Variants in RNF213 observed in about 807,000 individuals in gnomAD.
RNF213 encodes the protein E3 ubiquitin-protein ligase RNF213.
A neutral mutation model predicts 514.4 loss-of-function variants in RNF213; 341 were observed. The ratio of observed to expected loss-of-function variants is 0.66; its 90% CI spans 0.61 to 0.73. The LOEUF (loss-of-function observed/expected upper bound fraction) is 0.73. Among genes scored for constraint, RNF213 ranks in the 30% least tolerant of loss-of-function variants. The probability of loss-of-function intolerance (pLI) is 0.00; values close to 1 mark genes in which losing one functional copy is unlikely to be tolerated. For missense variants in RNF213, 5,767 were observed against 6,615.6 expected, an observed-to-expected ratio of 0.87 and a Z score of 4.45; for synonymous variants, 2,655 against 2,658.2, an observed-to-expected ratio of 1.00 and a Z score of 0.04.
At position 80,345,448 on chromosome 17, in the gene RNF213, C is replaced by T; in HGVS notation, c.7113C>T (p.His2371=). ...FNVDFDKLPR[H]KKLERLCLTL... ...TCGACTTTGATAAACTGCCCAGACA[C>T]AAGAAACTTGAGAGGCTCTGCCTGA... Residue 2371 remains histidine (H), a synonymous_variant, in exon 29 of 68, where the codon CAC becomes CAT. Coordinates refer to ENST00000582970, the MANE Select transcript of RNF213 (RefSeq NM_001256071.3). The surrounding 1 kb of genome is among the most constrained non-coding windows in gnomAD (Gnocchi z 6.0). 1.2e-6 allele frequency: 2 copies of T among 1,612,302 alleles called. No individual in the cohort carries two copies. Among genetic ancestry groups the T allele is most frequent in the Non-Finnish European group, 1.7e-6 (2 of 1,178,738 alleles).
Position 80,289,748 on chromosome 17 carries a change from G to A in RNF213, c.1023G>A (p.Lys341=). The part of the protein sequence containing the change: ...NEQGEPEDLK[K]PEGKNRSAAA... ...AAGGGGAGCCTGAAGACCTCAAGAA[G>A]CCAGAGGGGAAGAACAGAAGTGCAG... is the stretch of plus-strand genomic sequence containing the variant. The change falls in exon 6 of 68, where the codon AAG becomes AAA. Residue 341 remains lysine (K), a synonymous_variant. Transcript: ENST00000582970. The A allele has an allele frequency of 6.2e-7, 1 of 1,614,036 alleles. No individual in the cohort carries two copies. Among genetic ancestry groups the A allele is most frequent in the Non-Finnish European group, 8.5e-7 (1 of 1,179,992 alleles).
chr17:80,336,172 C>T lies in RNF213; in HGVS notation c.4321C>T (p.Leu1441=). ...CTTCTCTTCCCCAGGCATCAATGAG[C>T]TGAAGGTGTTTGTGGACCTGGCCTC... The part of the protein sequence containing the change: ...VREALGGINE[L]KVFVDLASIS... The change falls in exon 23 of 68, where the codon CTG becomes TTG. Residue 1441 remains leucine, a synonymous_variant. Transcript: ENST00000582970. 6.5e-7 allele frequency: 1 copy of T among 1,537,180 alleles called. No homozygotes were observed. The highest frequency in any genetic ancestry group is 8.7e-7 in the Non-Finnish European group (1 of 1,146,848).
Position 80,396,323 on chromosome 17 carries a change from AT to A in RNF213, c.*2826del, listed in dbSNP as rs1197736306. The A allele has an allele frequency of 6.6e-6, 1 of 152,216 alleles. No individual in the cohort carries two copies. The highest frequency in any genetic ancestry group is 2.4e-5 in the African/African-American group (1 of 41,452). The allele number at this position is 152,216 out of a possible 1,614,324, so 9.4% of individuals were successfully genotyped here. The stretch of plus-strand genomic sequence containing the variant: ...AATTATTTGCCTTTCATGAATAGTT[AT>A]GAGACTTTGTGCATGTGTTAACCGA... On this transcript the variant is annotated 3_prime_UTR_variant, in exon 68 of 68. Transcript: ENST00000582970.
chr17:80,339,820 A>G lies in RNF213; in HGVS notation c.5453A>G (p.Glu1818Gly), dbSNP rs1197549278. ...GCAGGGATGGGTGGGTCTCCCGTGG[A>G]GCGTTGTCTCCCGAGAGGTCTGCAG... is the stretch of plus-strand genomic sequence containing the variant. ...HLAGMGGSPV[E>G]RCLPRGLQVG... The change falls in exon 26 of 68, where the codon GAG (glutamate) becomes GGG (glycine). Residue 1818 changes from glutamate (E) to glycine (G), a missense_variant. Physicochemically the swap from Glu to Gly is moderately conservative, Grantham distance 98 (BLOSUM62 -2). Transcript: ENST00000582970. 1.3e-6 allele frequency: 2 copies of G among 1,534,650 alleles called. No individual in the cohort carries two copies. The highest frequency in any genetic ancestry group is 1.4e-5 in the African/African-American group (1 of 72,918).
At chr17:80,283,236 C>T (rs1044270247) in intron 3 of RNF213, among the ~76,000 whole-genome samples, 2 of 152,206 alleles carry the variant, frequency 1.3e-5, no homozygotes, top group African/African-American at 2.4e-5. Context: ...CAGTCCTCAC[C>T]GAGAAGTAAG....
chr17:80,377,871 A>T lies in RNF213; in HGVS notation c.13545+75A>T. ...GGTTGGAGGAGGGGGATCGTGGGTC[A>T]GGAGAGTGAGGCTCTCGGCCTTCCA... On this transcript the variant is annotated intron_variant, in intron 54 of 67. Coordinates refer to ENST00000582970, the MANE Select transcript of RNF213 (RefSeq NM_001256071.3). This position sits in a 1 kb window ranked among gnomAD's most constrained non-coding sequence, Gnocchi z 4.1. 6.5e-7 allele frequency: 1 copy of T among 1,527,168 alleles called. No individual in the cohort carries two copies. Among genetic ancestry groups the T allele is most frequent in the Non-Finnish European group, 9.1e-7 (1 of 1,101,246 alleles). The allele number at this position is 1,527,168 out of a possible 1,614,324, so 94.6% of individuals were successfully genotyped here. A position where few individuals can be genotyped will look rare whatever the true frequency, so the allele number is the denominator to read the frequency against.
chr17:80,305,030 C>A (rs1185731217), intron 11 of RNF213, among the ~76,000 whole-genome samples: 1 of 152,074 alleles, frequency 6.6e-6, no homozygotes, highest in Non-Finnish European at 1.5e-5. Context: ...TCAATGAATT[C>A]TTTTTGTGTA....
chr17:80,291,314 G>A (rs1227532620), intron 7 of RNF213, among the ~76,000 whole-genome samples: 2 of 147,948 alleles, frequency 1.4e-5, no homozygotes, highest in African/African-American at 2.5e-5. Flanking sequence ...CTAGGCTGGA[G>A]TGCAATCATG....
In RNF213 at chr17:80,263,390, AC is replaced by A. The variant is rs1427259170; in HGVS notation, c.-108-181del. Among the ~76,000 whole-genome samples, 3 of 152,068 alleles carry A rather than the reference AC, an allele frequency of 2.0e-5. No individual in the cohort carries two copies. Among genetic ancestry groups the A allele is most frequent in the Non-Finnish European group, 2.9e-5 (2 of 67,982 alleles). ...GCATCCCCTATCCCCACCCAGCCCAACCCATGTTCTCAGCAGCAGGGATGGT... is the reference window on the plus strand; with the variant it reads ...GCATCCCCTATCCCCACCCAGCCCAACCATGTTCTCAGCAGCAGGGATGGT... On this transcript the variant is annotated intron_variant, in intron 1 of 67. Transcript: ENST00000582970. The surrounding 1 kb of genome is among the most constrained non-coding windows in gnomAD (Gnocchi z 4.9).
At chr17:80,306,173 C>G (rs2045350582) in intron 11 of RNF213, 79 bp from the exon 12 acceptor site, 3 of 1,349,924 alleles carry the variant, frequency 2.2e-6, no homozygotes, top group East Asian at 4.6e-5. Context: ...TGTTTCTGTC[C>G]CTCCAGCATT....
intron 1 of RNF213, among the ~76,000 whole-genome samples, chr17:80,261,802 T>TG (rs201946707): frequency 0.019 from 2,909 of 152,288 alleles, 77 homozygotes; most frequent in African/African-American, 0.063. Flanking sequence ...GTGGGTCACC[T>TG]GAGGTCGGGA....
intron 23 of RNF213, 68 bp from the exon 24 acceptor site, chr17:80,337,518 C>A: frequency 6.6e-7 from 1 of 1,515,552 alleles, no homozygotes; most frequent in South Asian, 1.2e-5. Context: ...GGAGGCCGAC[C>A]ACAGGAGGGA....
rs113599364 is a variant in RNF213 at position 80,318,764 on chromosome 17, G to A, written c.2902-426G>A. Among the ~76,000 whole-genome samples, 930 of 152,044 alleles carry A rather than the reference G, an allele frequency of 6.1e-3. 9 individuals are homozygous for A. The highest frequency in any genetic ancestry group is 0.021 in the African/African-American group (868 of 41,464). On this transcript the variant is annotated intron_variant, in intron 16 of 67. Transcript: ENST00000582970. ...ATATTTTTGTATTTTTTGTAGAGAC[G>A]GGGTTTCACCGTGTTAGCCAGGATG...
chr17:80,328,461 G>T lies in RNF213; in HGVS notation c.3501G>T (p.Val1167=). Residue 1167 remains valine (V), a synonymous_variant, in exon 20 of 68, where the codon GTG becomes GTT. Coordinates refer to ENST00000582970, the MANE Select transcript of RNF213 (RefSeq NM_001256071.3). ...VDSLLKMCGN[V]KHLIQVDFGV... ...GTCTCCTGAAGATGTGTGGGAACGT[G>T]AAACATCTGATACAAGGTGGTATTC... 1 of 1,537,260 alleles carries T rather than the reference G, an allele frequency of 6.5e-7. No individual in the cohort carries two copies. Among genetic ancestry groups the T allele is most frequent in the South Asian group, 1.2e-5 (1 of 84,062 alleles).
At chr17:80,356,117 T>C (rs535710721) in intron 36 of RNF213, among the ~76,000 whole-genome samples, 1 of 152,062 alleles carries the variant, frequency 6.6e-6, no homozygotes, top group Non-Finnish European at 1.5e-5. Context: ...TTCTCCTGCC[T>C]CAGACTCCTG....
At chr17:80,293,175 G>A (rs1482629199) in intron 8 of RNF213, among the ~76,000 whole-genome samples, 1 of 151,720 alleles carries the variant, frequency 6.6e-6, no homozygotes, top group Non-Finnish European at 1.5e-5. Context: ...CTCCCCCTCA[G>A]CCCCCCCAAG....
At chr17:80,302,586 T>A (rs1308898516) in intron 11 of RNF213, among the ~76,000 whole-genome samples, 3 of 152,194 alleles carry the variant, frequency 2.0e-5, no homozygotes, top group Admixed American at 6.5e-5. Flanking sequence ...CTGGGCTTGG[T>A]GGCTCATGCC....
At position 80,306,280 on chromosome 17, in the gene RNF213, A is replaced by G. The variant is rs201146285; in HGVS notation, c.2239A>G (p.Lys747Glu). Residue 747 changes from lysine to glutamate, a missense_variant, in exon 12 of 68, where the codon AAG becomes GAG. By Grantham distance (56) the Lys-to-Glu change is moderately conservative. This residue lies in a region of RNF213 where 592 missense variants were observed against 673.9 expected (regional missense o/e 0.88). Coordinates refer to ENST00000582970, the MANE Select transcript of RNF213 (RefSeq NM_001256071.3). ...TSSLLQFMRE[K>E]QHLLSIDEPL... Reference sequence around the variant, plus strand: ...TTCCCTACTTCAGTTTATGAGAGAGAAGCAGCATTTGCTGAGCATAGACGA... The same window carrying G: ...TTCCCTACTTCAGTTTATGAGAGAGGAGCAGCATTTGCTGAGCATAGACGA... The G allele has an allele frequency of 6.2e-7, 1 of 1,614,126 alleles. No homozygotes were observed.
intron 3 of RNF213, among the ~76,000 whole-genome samples, chr17:80,276,612 G>A (rs1256257364): frequency 6.6e-6 from 1 of 150,740 alleles, no homozygotes; most frequent in Non-Finnish European, 1.5e-5. Flanking sequence ...TCCTCAAAGA[G>A]AGAGAGAGAG....
Sources: allele counts gnomAD v4.1 joint callset (sites outside exome capture counted in the v4.1 genomes callset), GRCh38; gene constraint gnomAD v4.1.1; regional missense constraint gnomAD v4.1.1; non-coding constraint Gnocchi (gnomAD v3.1); transcripts MANE v1.5; gene names NCBI Gene and HGNC (gene_info 2026-07-23, HGNC 2026-07-21).